The following SLCO3A1 variants were observed in gnomAD, a reference collection of about 807,000 sequenced individuals.
SLCO3A1 encodes the protein solute carrier organic anion transporter family member 3A1, also known as PGE1 transporter.
SLCO3A1 carries 27 observed loss-of-function variants against 63.1 expected under a neutral mutation model. The ratio of observed to expected loss-of-function variants is 0.43; its 90% CI spans 0.32 to 0.59. The LOEUF (loss-of-function observed/expected upper bound fraction) is 0.59. SLCO3A1 is among the 20% of genes least tolerant of loss of function. The pLI is 0.09. For synonymous variants in SLCO3A1, 473 were observed against 409.9 expected (o/e 1.15, Z -1.86); for missense variants, 773 against 945.8 (o/e 0.82, Z 2.40).
At chr15:92,055,714 C>T (rs1055064107) in intron 2 of SLCO3A1, among the ~76,000 whole-genome samples, 1 of 152,176 alleles carries the variant, frequency 6.6e-6, no homozygotes, top group African/African-American at 2.4e-5. Context: ...GCACTCATCA[C>T]CCCACAGGCA....
chr15:91,869,352 A>G (rs1345838402), intron 1 of SLCO3A1, among the ~76,000 whole-genome samples: 1 of 152,086 alleles, frequency 6.6e-6, no homozygotes, highest in Non-Finnish European at 1.5e-5. Context: ...CCTGGCCAAC[A>G]TGGTGAAACC....
At chr15:92,169,196 G>C (rs975036819), downstream of SLCO3A1, among the ~76,000 whole-genome samples, 1 of 152,172 alleles carries the variant, frequency 6.6e-6, no homozygotes, top group Non-Finnish European at 1.5e-5. Context: ...TCATTTTACA[G>C]GGGAAGAAAA....
In SLCO3A1 at chr15:91,853,774, G is replaced by C; in HGVS notation, c.-135G>C. 2.2e-6 allele frequency: 2 copies of C among 894,364 alleles called. No individual in the cohort carries two copies. The highest frequency in any genetic ancestry group is 2.7e-6 in the Non-Finnish European group (2 of 730,984). 55.4% of individuals were successfully genotyped at this position (894,364 alleles called of 1,614,324 possible). A position where few individuals can be genotyped will look rare whatever the true frequency, so the allele number is the denominator to read the frequency against. On this transcript the variant is annotated 5_prime_UTR_variant, in exon 1 of 10. Coordinates refer to ENST00000318445, the MANE Select transcript of SLCO3A1 (RefSeq NM_013272.4). Reference sequence around the variant, plus strand: ...CCACCTCTCCAGCCCCGGCAGGACGGGGGCGGCCGCCGCGAACCCGGGGCG... The same window carrying C: ...CCACCTCTCCAGCCCCGGCAGGACGCGGGCGGCCGCCGCGAACCCGGGGCG...
In SLCO3A1 at chr15:91,915,918, A is replaced by G. The variant is rs1286215322; in HGVS notation, c.181-75A>G. On this transcript the variant is annotated intron_variant, in intron 1 of 9. Coordinates refer to ENST00000318445, the MANE Select transcript of SLCO3A1 (RefSeq NM_013272.4). ...GTCCCGGGGGGGATGGGCAGAGCGC[A>G]CTGTCAGGCGGGAAGGAGAGGCTTC... 3 of 1,276,476 alleles carry G rather than the reference A, an allele frequency of 2.4e-6. No homozygotes were observed. In the African/African-American group the frequency reaches 4.5e-5, roughly 19 times the overall value. The allele number at this position is 1,276,476 out of a possible 1,614,324, so 79.1% of individuals were successfully genotyped here.
chr15:91,876,706 T>C (rs879804028), intron 1 of SLCO3A1, among the ~76,000 whole-genome samples: 8 of 152,238 alleles, frequency 5.3e-5, no homozygotes, highest in Non-Finnish European at 8.8e-5. Flanking sequence ...GGAACTGTTC[T>C]CTTTACTGTG....
intron 1 of SLCO3A1, among the ~76,000 whole-genome samples, chr15:91,905,655 T>G (rs954970953): frequency 1.3e-5 from 2 of 151,686 alleles, no homozygotes; most frequent in Non-Finnish European, 2.9e-5. Flanking sequence ...AGTTACGTGG[T>G]CAAGGGAGTT....
chr15:91,985,406 A>G (rs2046039090), intron 2 of SLCO3A1, among the ~76,000 whole-genome samples: 1 of 152,150 alleles, frequency 6.6e-6, no homozygotes, highest in Admixed American at 6.5e-5. Flanking sequence ...TGTGGCTATC[A>G]TGAATAGTGT....
chr15:92,105,926 A>C (rs2047662464), intron 4 of SLCO3A1, among the ~76,000 whole-genome samples: 2 of 148,578 alleles, frequency 1.3e-5, no homozygotes, highest in Non-Finnish European at 2.9e-5. Context: ...TTCTATAGAG[A>C]TGCTAGAGAT....
intron 2 of SLCO3A1, among the ~76,000 whole-genome samples, chr15:91,953,110 A>AGGGAAG (rs1291065571): frequency 6.6e-6 from 1 of 152,220 alleles, no homozygotes; most frequent in Non-Finnish European, 1.5e-5. Context: ...GTAGACTAGG[A>AGGGAAG]GGGAGGCTTC....
At chr15:92,116,114 G>A (rs2047792043) in intron 4 of SLCO3A1, among the ~76,000 whole-genome samples, 3 of 152,120 alleles carry the variant, frequency 2.0e-5, no homozygotes, top group Admixed American at 1.3e-4. Context: ...CTCTGCCTCA[G>A]CTTTTTCATC....
At chr15:91,983,212 C>G (rs979677291) in intron 2 of SLCO3A1, among the ~76,000 whole-genome samples, 3 of 152,226 alleles carry the variant, frequency 2.0e-5, no homozygotes, top group Admixed American at 6.5e-5. Flanking sequence ...ATGCTGTGCA[C>G]ACACACATTA....
intron 2 of SLCO3A1, among the ~76,000 whole-genome samples, chr15:91,937,090 T>C (rs577577948): frequency 1.3e-5 from 2 of 152,122 alleles, no homozygotes; most frequent in Non-Finnish European, 2.9e-5. Flanking sequence ...CCATGAGAAG[T>C]GGGTGAAGGG....
At position 92,104,305 on chromosome 15, in the gene SLCO3A1, C is replaced by A; in HGVS notation, c.772C>A (p.Pro258Thr). ...TSNLDITPDD[P>T]RWIGAWWGGF... ...TAACCTGGACATCACTCCGGACGAC[C>A]CCCGCTGGATCGGAGCCTGGTGGGG... Residue 258 changes from proline to threonine, a missense_variant, in exon 4 of 10, where the codon CCC becomes ACC. Transcript: ENST00000318445. 6.2e-7 allele frequency: 1 copy of A among 1,614,180 alleles called. No individual in the cohort carries two copies. Among genetic ancestry groups the A allele is most frequent in the Non-Finnish European group, 8.5e-7 (1 of 1,180,024 alleles).
intron 2 of SLCO3A1, among the ~76,000 whole-genome samples, chr15:92,091,417 C>T (rs752075910): frequency 3.9e-5 from 6 of 152,208 alleles, no homozygotes; most frequent in Non-Finnish European, 5.9e-5. Context: ...TCTGCTCCTC[C>T]TCCATTCAGG....
Position 92,162,829 on chromosome 15 carries a change from G to A in SLCO3A1, c.1827G>A (p.Gly609=). 1 of 1,614,198 alleles carries A rather than the reference G, an allele frequency of 6.2e-7. No homozygotes were observed. The highest frequency in any genetic ancestry group is 8.5e-7 in the Non-Finnish European group (1 of 1,180,030). Residue 609 remains glycine (G), a synonymous_variant, in exon 10 of 10, where the codon GGG becomes GGA. Coordinates refer to ENST00000318445, the MANE Select transcript of SLCO3A1 (RefSeq NM_013272.4). The part of the protein sequence containing the change: ...STCLFWSTFC[G]EQGACVLYDN... ...GCCTGTTCTGGAGCACGTTCTGTGG[G>A]GAGCAAGGCGCCTGCGTCCTCTACG...
At chr15:91,898,677 G>A (rs1485242498) in intron 1 of SLCO3A1, among the ~76,000 whole-genome samples, 1 of 152,096 alleles carries the variant, frequency 6.6e-6, no homozygotes, top group Admixed American at 6.6e-5. Context: ...CATTTTGGAT[G>A]GAGTTGATAT....
In SLCO3A1 at chr15:92,164,220, A is replaced by C. The variant is rs1012621401; in HGVS notation, c.*1085A>C. On this transcript the variant is annotated 3_prime_UTR_variant, in exon 10 of 10. Transcript: ENST00000318445. ...TTTTTTAATGCACCAAAAATATGTG[A>C]TACAAGGGATGCAATTAACCTATTG... is the stretch of plus-strand genomic sequence containing the variant. 1.6e-5 allele frequency: 16 copies of C among 985,040 alleles called. No individual in the cohort carries two copies. The highest frequency in any genetic ancestry group is 1.9e-5 in the Non-Finnish European group (16 of 829,726). The allele number at this position is 985,040 out of a possible 1,614,324, so 61.0% of individuals were successfully genotyped here. A position where few individuals can be genotyped will look rare whatever the true frequency, so the allele number is the denominator to read the frequency against.
At chr15:92,104,950 A>C (rs1227360889) in intron 4 of SLCO3A1, among the ~76,000 whole-genome samples, 1 of 151,178 alleles carries the variant, frequency 6.6e-6, no homozygotes, top group African/African-American at 2.4e-5. Flanking sequence ...TTGAAAAGCC[A>C]CCTCCAGCCG....
At chr15:92,146,951 C>G (rs771279788) in intron 7 of SLCO3A1, 33 bp from the exon 8 acceptor site, 12 of 1,562,932 alleles carry the variant, frequency 7.7e-6, no homozygotes, top group African/African-American at 5.4e-5. Flanking sequence ...CGGAAGTACC[C>G]CCAGATAAAA....
Sources: gnomAD v4.1 joint callset for allele counts (sites outside exome capture counted in the v4.1 genomes callset) on GRCh38, gnomAD v4.1.1 for gene constraint, MANE v1.5 for transcripts, NCBI Gene and HGNC (gene_info 2026-07-23, HGNC 2026-07-21) for gene names.